Variants in RTKN2 observed in about 807,000 individuals in gnomAD.
RTKN2 encodes rhotekin 2.
RTKN2 carries 69 observed loss-of-function variants against 71.5 expected under a neutral mutation model. That is an observed-to-expected ratio of 0.96 (90% CI 0.79 to 1.18). RTKN2 has a LOEUF of 1.18. RTKN2 is among the 50% of genes most tolerant of loss of function. The pLI is 0.00. For synonymous variants in RTKN2, 236 were observed against 236.5 expected, an observed-to-expected ratio of 1.00 and a Z score of 0.02; for missense variants, 724 against 719.7, an observed-to-expected ratio of 1.01 and a Z score of -0.07.
Position 62,198,034 on chromosome 10 carries a change from A to G in RTKN2, c.1704T>C (p.Asn568=). Residue 568 remains asparagine, a synonymous_variant, in exon 12 of 12, where the codon AAT becomes AAC. Coordinates refer to ENST00000373789, the MANE Select transcript of RTKN2 (RefSeq NM_145307.4). ...CTGTGTGCTCACCATCACTTAATCT[A>G]TTTCTCCTGGCAGGCAGAAGTTTTC... The part of the protein sequence containing the change: ...APRKLLPARR[N]RLSDGEHTDT... The G allele has an allele frequency of 6.2e-7, 1 of 1,613,982 alleles. No individual in the cohort carries two copies. The highest frequency in any genetic ancestry group is 8.5e-7 in the Non-Finnish European group (1 of 1,179,954).
At chr10:62,202,535 A>C (rs1419602026) in intron 10 of RTKN2, among the ~76,000 whole-genome samples, 2 of 152,250 alleles carry the variant, frequency 1.3e-5, no homozygotes, top group Non-Finnish European at 2.9e-5. Context: ...ATATCCATAC[A>C]CAATGAATTC....
intron 7 of RTKN2, among the ~76,000 whole-genome samples, chr10:62,220,132 A>G (rs1033767641): frequency 6.6e-6 from 1 of 152,218 alleles, no homozygotes; most frequent in African/African-American, 2.4e-5. Flanking sequence ...AATAGTTAAT[A>G]TATACATGCA....
chr10:62,236,003 TAA>T, intron 6 of RTKN2, 61 bp downstream of exon 6: 1 of 1,186,350 alleles, frequency 8.4e-7, no homozygotes. Context: ...ACTTCACATA[TAA>T]TACTTTAAAA....
intron 7 of RTKN2, among the ~76,000 whole-genome samples, chr10:62,219,608 T>C (rs893221550): frequency 2.6e-5 from 4 of 152,040 alleles, no homozygotes; most frequent in Non-Finnish European, 4.4e-5. Context: ...GGGTACAGAC[T>C]ATCATGTAAG....
In RTKN2 at chr10:62,236,253, C is replaced by A; in HGVS notation, c.499G>T (p.Gly167Trp). ...TCCACCTTTATCTGAAAGTCTGGCC[C>A]TGCTTCATTACTAAAAACAAGGGCA... Reference protein sequence around the residue: ...FENVTIFNEAGPDFQIKVEVY... With the variant: ...FENVTIFNEAWPDFQIKVEVY... The change falls in exon 6 of 12, where the codon GGG becomes TGG. Residue 167 changes from glycine to tryptophan, a missense_variant. Transcript: ENST00000373789. The A allele has an allele frequency of 6.2e-7, 1 of 1,603,568 alleles. No homozygotes were observed. The highest frequency in any genetic ancestry group is 1.1e-5 in the South Asian group (1 of 89,470).
intron 2 of RTKN2, chr10:62,259,170 T>C: frequency 2.2e-6 from 1 of 453,172 alleles, no homozygotes; most frequent in Middle Eastern, 6.9e-4. Context: ...CATGATCTCT[T>C]GCCTGCTGAC....
chr10:62,216,348 A>G (rs1841768826), intron 9 of RTKN2, among the ~76,000 whole-genome samples: 1 of 152,068 alleles, frequency 6.6e-6, no homozygotes, highest in Admixed American at 6.5e-5. Flanking sequence ...GCCCACAGGC[A>G]AAAACCATGA....
intron 2 of RTKN2, among the ~76,000 whole-genome samples, chr10:62,259,508 C>T (rs1490825317): frequency 1.3e-5 from 2 of 152,140 alleles, no homozygotes; most frequent in Non-Finnish European, 2.9e-5. Flanking sequence ...AGATCTTTTC[C>T]CTGCTCCTGA....
chr10:62,248,862 T>G (rs1184363213), intron 2 of RTKN2, among the ~76,000 whole-genome samples: 2 of 152,182 alleles, frequency 1.3e-5, no homozygotes, highest in Non-Finnish European at 2.9e-5. Flanking sequence ...AATAGCCCAA[T>G]GATGAAAGCA....
At chr10:62,199,154 A>C in intron 11 of RTKN2, among the ~76,000 whole-genome samples, 1 of 152,236 alleles carries the variant, frequency 6.6e-6, no homozygotes, top group Middle Eastern at 3.2e-3. Flanking sequence ...ATGTAAGTAC[A>C]GGTACATTAG....
rs1195671404 is a variant in RTKN2, at chr10:62,218,216, A to G, written c.867T>C (p.Phe289=). ...TAACCTGCTGATTAAGAAATCCTGC[A>G]AATGCATCCTCAGCCATACAAGCTG... ...AQPACMAEDA[F]AGFLNQQQMV... is the part of the protein sequence containing the mutation. The change falls in exon 8 of 12, where the codon TTT becomes TTC. Residue 289 remains phenylalanine (F), a synonymous_variant. Transcript: ENST00000373789. 1 of 1,612,568 alleles carries G rather than the reference A, an allele frequency of 6.2e-7. No homozygotes were observed. The highest frequency in any genetic ancestry group is 2.2e-5 in the East Asian group (1 of 44,870).
chr10:62,229,838 T>C lies in RTKN2; in HGVS notation c.686+6228A>G, dbSNP rs145039972. On this transcript the variant is annotated intron_variant, in intron 6 of 11. Coordinates refer to ENST00000373789, the MANE Select transcript of RTKN2 (RefSeq NM_145307.4). ...CATCTTTTAACTACTTTAAGGTTAA[T>C]ATGTAAGATATTTACCTCTATTTCC... is the stretch of plus-strand genomic sequence containing the variant. Among the ~76,000 whole-genome samples the C allele has an allele frequency of 3.3e-5, 5 of 152,332 alleles. No homozygotes were observed. In the East Asian group the frequency reaches 7.7e-4, roughly 23 times the overall value.
At chr10:62,186,256 T>G (rs772474370) in intron 8 of RTKN2, among the ~76,000 whole-genome samples, 1 of 152,216 alleles carries the variant, frequency 6.6e-6, no homozygotes, top group Admixed American at 6.5e-5. Flanking sequence ...TTTTTTACAA[T>G]TCAGCTAATG....
chr10:62,195,766 C>T lies in RTKN2; in HGVS notation c.*2142G>A. ...CCAGACCCATTTCAAAGACTTGTAA[C>T]ATACAGTAAGCTGGGCCCCCCAGAA... On this transcript the variant is annotated 3_prime_UTR_variant, in exon 12 of 12. Transcript: ENST00000373789. 2.0e-6 allele frequency: 2 copies of T among 985,346 alleles called. No individual in the cohort carries two copies. Among genetic ancestry groups the T allele is most frequent in the Non-Finnish European group, 2.4e-6 (2 of 829,974 alleles). The allele number at this position is 985,346 out of a possible 1,614,324, so 61.0% of individuals were successfully genotyped here. A position where few individuals can be genotyped will look rare whatever the true frequency, so the allele number is the denominator to read the frequency against.
intron 2 of RTKN2, among the ~76,000 whole-genome samples, chr10:62,256,022 CTT>C (rs34518542): frequency 6.2e-5 from 9 of 145,758 alleles, no homozygotes; most frequent in Non-Finnish European, 6.0e-5. Flanking sequence ...AATCTAGACT[CTT>C]TTTTTTTTTT....
chr10:62,217,080 AGAT>A, intron 9 of RTKN2, 35 bp downstream of exon 9: 1 of 1,496,910 alleles, frequency 6.7e-7, no homozygotes, highest in Non-Finnish European at 8.9e-7. Flanking sequence ...AAACTTCCTA[AGAT>A]GTATATTTTT....
chr10:62,199,128 T>C (rs538196834), intron 11 of RTKN2, among the ~76,000 whole-genome samples: 1 of 152,314 alleles, frequency 6.6e-6, no homozygotes, highest in South Asian at 2.1e-4. Context: ...ATTTTTAACC[T>C]GACATTTTAA....
chr10:62,239,653 G>A lies in RTKN2; in HGVS notation c.483C>T (p.Thr161=), dbSNP rs1245999275. Residue 161 remains threonine (T), a synonymous_variant, in exon 5 of 12, where the codon ACC becomes ACT. Transcript: ENST00000373789. ...TITDICFENV[T]IFNEAGPDFQ... is the part of the protein sequence containing the mutation. ...GAAGATTAAAAAATACTTACAATAT[G>A]GTTACATTTTCAAAACATATATCTG... The A allele has an allele frequency of 5.2e-6, 7 of 1,342,886 alleles. No individual in the cohort carries two copies. The highest frequency in any genetic ancestry group is 7.2e-6 in the Non-Finnish European group (7 of 965,572). The allele number at this position is 1,342,886 out of a possible 1,614,324, so 83.2% of individuals were successfully genotyped here. A position where few individuals can be genotyped will look rare whatever the true frequency, so the allele number is the denominator to read the frequency against.
chr10:62,187,386 G>A (rs930919634), intron 8 of RTKN2, among the ~76,000 whole-genome samples: 5 of 152,126 alleles, frequency 3.3e-5, no homozygotes, highest in Admixed American at 3.3e-4. Context: ...TGTAAATGAG[G>A]TTTGCCTGAA....
Sources: gnomAD v4.1 joint callset for allele counts (sites outside exome capture counted in the v4.1 genomes callset) on GRCh38, gnomAD v4.1.1 for gene constraint, MANE v1.5 for transcripts, NCBI Gene and HGNC (gene_info 2026-07-23, HGNC 2026-07-21) for gene names.